Variants in TP63 observed in about 807,000 individuals in gnomAD.
The protein encoded by TP63 is tumor protein p63, also known as tumor protein 63.
In TP63, 17 loss-of-function variants were observed where a neutral mutation model predicts 82.8. The observed-to-expected ratio is 0.21, with a 90% confidence interval of 0.14 to 0.31. TP63 has a LOEUF of 0.31. Ranked by LOEUF, TP63 falls within the 10% of genes least tolerant of loss-of-function variation. The pLI is 1.00. For missense variants in TP63, 648 were observed against 895.3 expected (o/e 0.72, Z 3.52); for synonymous variants, 330 against 321.7 (o/e 1.03, Z -0.28).
intron 4 of TP63, among the ~76,000 whole-genome samples, chr3:189,815,002 CAA>C (rs34199817): frequency 0.52 from 78,459 of 151,792 alleles, 20,970 homozygotes; most frequent in African/African-American, 0.67. Context: ...TTTCCTACTA[CAA>C]AGAGTAACAG....
chr3:189,624,444 G>A, the TP63 span, among the ~76,000 whole-genome samples: 1 of 152,068 alleles, frequency 6.6e-6, no homozygotes, highest in South Asian at 2.1e-4. Context: ...TGTCAATATA[G>A]CCTTTAAGAA....
intron 4 of TP63, among the ~76,000 whole-genome samples, chr3:189,838,454 C>T (rs1002846187): frequency 1.7e-4 from 26 of 152,204 alleles, no homozygotes; most frequent in Non-Finnish European, 3.2e-4. Flanking sequence ...GCAGAAAAAG[C>T]GAACAAGATG....
chr3:189,681,476 C>A (rs1479088915), intron 1 of TP63, among the ~76,000 whole-genome samples: 2 of 152,106 alleles, frequency 1.3e-5, no homozygotes, highest in Non-Finnish European at 2.9e-5. Context: ...CCTTTGCTAC[C>A]AAGCTTGCAT....
At chr3:189,742,318 G>T (rs1356127985) in intron 3 of TP63, among the ~76,000 whole-genome samples, 1 of 149,928 alleles carries the variant, frequency 6.7e-6, no homozygotes, top group African/African-American at 2.5e-5. Flanking sequence ...GTGTAAGCAT[G>T]CCTGTCATGT....
chr3:189,780,578 C>T (rs569022431), intron 3 of TP63, among the ~76,000 whole-genome samples: 1 of 152,290 alleles, frequency 6.6e-6, no homozygotes, highest in East Asian at 1.9e-4. Context: ...AAAAATGACA[C>T]AAGGAAGGCA....
intron 10 of TP63, 148 bp from the exon 11 acceptor site, chr3:189,886,246 C>T (rs2108853837): frequency 1.1e-6 from 1 of 926,786 alleles, no homozygotes. Context: ...CAGATGGAAA[C>T]AAAATTAACT....
chr3:189,880,232 AGTGT>A (rs147985284), intron 10 of TP63: 6 of 1,573,236 alleles, frequency 3.8e-6, no homozygotes, highest in African/African-American at 1.4e-5. Context: ...TGTATATGTG[AGTGT>A]GTGTGTGTGT....
chr3:189,631,640 T>A, intron 1 of TP63, 63 bp downstream of exon 1: 3 of 1,609,918 alleles, frequency 1.9e-6, no homozygotes, highest in Middle Eastern at 3.3e-4. Flanking sequence ...GTATTATGAA[T>A]GTGTCAGCTG....
At chr3:189,822,876 A>G (rs1371360049) in intron 4 of TP63, among the ~76,000 whole-genome samples, 1 of 152,184 alleles carries the variant, frequency 6.6e-6, no homozygotes, top group Non-Finnish European at 1.5e-5. Flanking sequence ...AGGAAGGCAG[A>G]TTGCAGCAGA....
chr3:189,880,310 C>G, intron 10 of TP63: 1 of 1,335,408 alleles, frequency 7.5e-7, no homozygotes, highest in Non-Finnish European at 9.6e-7. Flanking sequence ...CTCAGAGACC[C>G]AACTGCTCAA....
chr3:189,752,016 C>G (rs1253892990), intron 3 of TP63, among the ~76,000 whole-genome samples: 6 of 152,004 alleles, frequency 3.9e-5, no homozygotes, highest in Non-Finnish European at 8.8e-5. Flanking sequence ...CTGGGACACT[C>G]TAATTATGAA....
intron 11 of TP63, among the ~76,000 whole-genome samples, chr3:189,886,811 C>G (rs1720493739): frequency 6.6e-6 from 1 of 152,082 alleles, no homozygotes; most frequent in African/African-American, 2.4e-5. Context: ...GAACAGTCTA[C>G]TTGCTGCTAT....
chr3:189,620,525 A>AAG, the TP63 span, among the ~76,000 whole-genome samples: 14 of 151,982 alleles, frequency 9.2e-5, no homozygotes, highest in East Asian at 2.7e-3. Flanking sequence ...AACAAAAAAA[A>AAG]AAAACCTCTC....
chr3:189,654,244 T>TAA (rs918058497), intron 1 of TP63, among the ~76,000 whole-genome samples: 18 of 136,196 alleles, frequency 1.3e-4, no homozygotes, highest in African/African-American at 3.8e-4. Flanking sequence ...AAGCCTTTTG[T>TAA]AAAAAAAAAA....
intron 3 of TP63, among the ~76,000 whole-genome samples, chr3:189,787,856 G>T (rs34626062): frequency 0.019 from 2,834 of 152,038 alleles, 46 homozygotes; most frequent in South Asian, 0.033. Flanking sequence ...AGTTGTTGGG[G>T]CTGTAACCCT....
At chr3:189,613,147 C>T in the TP63 span, among the ~76,000 whole-genome samples, 1 of 152,320 alleles carries the variant, frequency 6.6e-6, no homozygotes, top group East Asian at 1.9e-4. Context: ...TGTCTCCAGG[C>T]CATGTCAGAG....
chr3:189,841,041 A>G (rs932297097), intron 4 of TP63, among the ~76,000 whole-genome samples: 1 of 152,086 alleles, frequency 6.6e-6, no homozygotes, highest in Non-Finnish European at 1.5e-5. Flanking sequence ...TCTTTTGTAA[A>G]TAGAGGGTGG....
At chr3:189,670,737 A>G (rs1349074863) in intron 1 of TP63, among the ~76,000 whole-genome samples, 1 of 152,094 alleles carries the variant, frequency 6.6e-6, no homozygotes, top group Non-Finnish European at 1.5e-5. Flanking sequence ...CAGAGAACCC[A>G]GAAATAAATC....
intron 1 of TP63, among the ~76,000 whole-genome samples, chr3:189,726,103 G>C (rs949515636): frequency 2.6e-5 from 4 of 152,008 alleles, no homozygotes; most frequent in African/African-American, 9.7e-5. Context: ...TGAATGTTTG[G>C]AATAAAACAT....
Sources: gnomAD v4.1 joint callset for allele counts (sites outside exome capture counted in the v4.1 genomes callset) on GRCh38, gnomAD v4.1.1 for gene constraint, MANE v1.5 for transcripts, NCBI Gene and HGNC (gene_info 2026-07-23, HGNC 2026-07-21) for gene names.